Variants in ABCA13 observed in about 807,000 individuals in gnomAD.
The protein encoded by ABCA13 is ATP binding cassette subfamily A member 13.
A neutral mutation model predicts 478.7 loss-of-function variants in ABCA13; 476 were observed. The observed-to-expected ratio is 0.99, with a 90% confidence interval of 0.92 to 1.07. The LOEUF (loss-of-function observed/expected upper bound fraction) is 1.07, where lower values mean the gene tolerates loss of function less well. Ranked by LOEUF, ABCA13 falls within the 50% of genes least tolerant of loss-of-function variation. The pLI is 0.00. For missense variants in ABCA13, 6,060 were observed against 5,910.6 expected, an observed-to-expected ratio of 1.03 and a Z score of -0.83; for synonymous variants, 2,252 against 2,158.9, an observed-to-expected ratio of 1.04 and a Z score of -1.20.
At chr7:48,320,312 G>A (rs1803254996) in intron 27 of ABCA13, among the ~76,000 whole-genome samples, 1 of 152,144 alleles carries the variant, frequency 6.6e-6, no homozygotes, top group Non-Finnish European at 1.5e-5. Flanking sequence ...TTAGTTGGAG[G>A]TTTCTGATTG....
intron 31 of ABCA13, among the ~76,000 whole-genome samples, chr7:48,364,179 C>T (rs1408402465): frequency 6.6e-6 from 1 of 152,142 alleles, no homozygotes; most frequent in Non-Finnish European, 1.5e-5. Context: ...AGATAGAGTG[C>T]TTCCTGAAAA....
At chr7:48,503,494 A>T (rs186089193) in intron 48 of ABCA13, among the ~76,000 whole-genome samples, 40 of 152,250 alleles carry the variant, frequency 2.6e-4, no homozygotes, top group Admixed American at 1.1e-3. Flanking sequence ...CTTTCTGTGA[A>T]TTTGACTTTT....
intron 58 of ABCA13, among the ~76,000 whole-genome samples, chr7:48,613,528 C>T (rs897455234): frequency 1.4e-5 from 2 of 142,410 alleles, no homozygotes; most frequent in Non-Finnish European, 3.2e-5. Flanking sequence ...TAAGACACAA[C>T]GACTACAAAT....
At chr7:48,558,104 T>A (rs1482778791) in intron 55 of ABCA13, among the ~76,000 whole-genome samples, 1 of 151,880 alleles carries the variant, frequency 6.6e-6, no homozygotes, top group Non-Finnish European at 1.5e-5. Flanking sequence ...ATGCATTCTT[T>A]AGTATGTCAA....
chr7:48,424,415 T>C (rs532379346), intron 41 of ABCA13, among the ~76,000 whole-genome samples: 2 of 152,364 alleles, frequency 1.3e-5, no homozygotes, highest in East Asian at 3.9e-4. Context: ...GAGAACTCAG[T>C]TAACATTGTT....
intron 59 of ABCA13, among the ~76,000 whole-genome samples, chr7:48,635,894 T>C (rs1314483814): frequency 6.6e-6 from 1 of 152,220 alleles, no homozygotes; most frequent in Non-Finnish European, 1.5e-5. Context: ...TTTGGAGACT[T>C]TACTGTTTTT....
Position 48,246,015 on chromosome 7 carries a change from T to C in ABCA13, c.1644T>C (p.Gly548=). Residue 548 remains glycine, a synonymous_variant, in exon 13 of 62, where the codon GGT becomes GGC. Coordinates refer to ENST00000435803, the MANE Select transcript of ABCA13 (RefSeq NM_152701.5). ...SETSVLNKLL[G]SVEDADRILQ... is the part of the protein sequence containing the mutation. Reference sequence around the variant, plus strand: ...CGAGTGTTTTAAACAAGCTACTTGGTTCAGTAGAGGATGCTGTAAGTATTC... The same window carrying C: ...CGAGTGTTTTAAACAAGCTACTTGGCTCAGTAGAGGATGCTGTAAGTATTC... The C allele has an allele frequency of 6.2e-7, 1 of 1,613,634 alleles. No individual in the cohort carries two copies. The highest frequency in any genetic ancestry group is 1.1e-5 in the South Asian group (1 of 91,018).
chr7:48,507,745 A>G, intron 49 of ABCA13, 127 bp from the exon 50 acceptor site: 1 of 1,129,528 alleles, frequency 8.9e-7, no homozygotes, highest in Admixed American at 2.7e-5. Flanking sequence ...CCCTTAGCCA[A>G]CATGCCTGGC....
In ABCA13 at chr7:48,372,228, A is replaced by G. The variant is rs1264926172; in HGVS notation, c.10864A>G (p.Met3622Val). Residue 3622 changes from methionine to valine, a missense_variant, in exon 33 of 62, where the codon ATG becomes GTG. Transcript: ENST00000435803. ...IHFLAWFLEN[M>V]AVLTISSATL... Reference sequence around the variant, plus strand: ...TTTCCTGGCCTGGTTCCTGGAGAACATGGCTGTGTTGACCATAAGCAGTGC... The same window carrying G: ...TTTCCTGGCCTGGTTCCTGGAGAACGTGGCTGTGTTGACCATAAGCAGTGC... The G allele has an allele frequency of 6.2e-7, 1 of 1,613,920 alleles. No homozygotes were observed. Among genetic ancestry groups the G allele is most frequent in the South Asian group, 1.1e-5 (1 of 91,080 alleles).
intron 58 of ABCA13, among the ~76,000 whole-genome samples, chr7:48,596,853 A>G (rs2131451933): frequency 6.6e-6 from 1 of 152,078 alleles, no homozygotes; most frequent in East Asian, 1.9e-4. Flanking sequence ...CTAGGAAAAC[A>G]TTGATGGCTT....
At chr7:48,374,919 G>A (rs1227128940) in intron 34 of ABCA13, among the ~76,000 whole-genome samples, 3 of 152,106 alleles carry the variant, frequency 2.0e-5, no homozygotes, top group Non-Finnish European at 4.4e-5. Context: ...CTCCTGTCAG[G>A]TCAGTGGGGC....
At chr7:48,186,615 T>C (rs1335315788) in intron 1 of ABCA13, among the ~76,000 whole-genome samples, 4 of 152,072 alleles carry the variant, frequency 2.6e-5, no homozygotes, top group Admixed American at 2.6e-4. Context: ...TACTTAAATA[T>C]AGCCACTCCT....
chr7:48,392,834 G>T (rs749130824), intron 38 of ABCA13, among the ~76,000 whole-genome samples: 9 of 152,206 alleles, frequency 5.9e-5, no homozygotes, highest in Non-Finnish European at 8.8e-5. Flanking sequence ...TTCAAATTTA[G>T]AAGAATCAGG....
intron 55 of ABCA13, among the ~76,000 whole-genome samples, chr7:48,553,587 C>G (rs1254275908): frequency 2.0e-5 from 3 of 151,916 alleles, no homozygotes; most frequent in African/African-American, 7.2e-5. Flanking sequence ...TTTCGTATAC[C>G]TGTTTGTCAT....
At chr7:48,360,867 G>A (rs1399692859) in intron 31 of ABCA13, among the ~76,000 whole-genome samples, 1 of 151,810 alleles carries the variant, frequency 6.6e-6, no homozygotes, top group East Asian at 1.9e-4. Flanking sequence ...TGGAGAGCAG[G>A]GATTGTTATG....
intron 3 of ABCA13, among the ~76,000 whole-genome samples, chr7:48,200,984 TAGAA>T (rs1232774383): frequency 7.2e-6 from 1 of 138,680 alleles, no homozygotes; most frequent in Non-Finnish European, 1.6e-5. Context: ...ACAAAGGAAA[TAGAA>T]AGAGAATAAG....
At position 48,272,906 on chromosome 7, in the gene ABCA13, T is replaced by C. The variant is rs758747729; in HGVS notation, c.3240T>C (p.Phe1080=). The stretch of plus-strand genomic sequence containing the variant: ...ATGAAGATTTTCGTATTTCTTTATT[T>C]CAATATATGAGCCAATTCTTCAACA... ...IIDEDFRISL[F]QYMSQFFNSS... is the part of the protein sequence containing the mutation. Residue 1080 remains phenylalanine, a synonymous_variant, in exon 17 of 62, where the codon TTT becomes TTC. Transcript: ENST00000435803. 4 of 1,611,554 alleles carry C rather than the reference T, an allele frequency of 2.5e-6. No individual in the cohort carries two copies. The highest frequency in any genetic ancestry group is 8.5e-7 in the Non-Finnish European group (1 of 1,178,628).
At chr7:48,320,533 T>C (rs1031954451) in intron 27 of ABCA13, among the ~76,000 whole-genome samples, 4 of 152,222 alleles carry the variant, frequency 2.6e-5, no homozygotes, top group Non-Finnish European at 4.4e-5. Flanking sequence ...GAGATTCCAA[T>C]GTATTAGTAT....
intron 23 of ABCA13, among the ~76,000 whole-genome samples, chr7:48,307,197 T>C (rs984240289): frequency 1.3e-5 from 2 of 152,252 alleles, no homozygotes; most frequent in African/African-American, 4.8e-5. Context: ...ATATCATCAT[T>C]ATGTGAACAT....
Sources: allele counts gnomAD v4.1 joint callset (sites outside exome capture counted in the v4.1 genomes callset), GRCh38; gene constraint gnomAD v4.1.1; transcripts MANE v1.5; gene names NCBI Gene and HGNC (gene_info 2026-07-23, HGNC 2026-07-21).